The following DTWD2 variants were observed in gnomAD, a reference collection of about 807,000 sequenced individuals.
DTWD2 encodes the protein DTW motif tRNA-uridine aminocarboxypropyltransferase 2.
DTWD2 carries 39 observed loss-of-function variants against 31.8 expected under a neutral mutation model. The ratio of observed to expected loss-of-function variants is 1.22; its 90% CI spans 0.95 to 1.60. The LOEUF (loss-of-function observed/expected upper bound fraction) is 1.60. Ranked by LOEUF, DTWD2 falls within the 40% of genes most tolerant of loss-of-function variation. The pLI, the probability that DTWD2 is intolerant of heterozygous loss-of-function variation, is 0.00. For missense variants in DTWD2, 515 were observed against 381.5 expected (o/e 1.35, Z -2.92); for synonymous variants, 180 against 142.8 (o/e 1.26, Z -1.86).
intron 5 of DTWD2, among the ~76,000 whole-genome samples, chr5:118,845,607 T>C (rs917263813): frequency 3.9e-5 from 6 of 152,168 alleles, no homozygotes; most frequent in African/African-American, 1.4e-4. Flanking sequence ...AATATCCTTT[T>C]TCTACTCCTG....
At chr5:118,846,487 A>G (rs1028708603) in intron 5 of DTWD2, among the ~76,000 whole-genome samples, 2 of 152,162 alleles carry the variant, frequency 1.3e-5, no homozygotes, top group Non-Finnish European at 2.9e-5. Context: ...ATCTATAGCT[A>G]AGGAATATAC....
At chr5:118,904,735 A>G (rs1198590843) in intron 4 of DTWD2, among the ~76,000 whole-genome samples, 1 of 152,150 alleles carries the variant, frequency 6.6e-6, no homozygotes, top group East Asian at 1.9e-4. Flanking sequence ...AGAACTGATA[A>G]CATGTGGAGA....
At chr5:118,875,563 GAAAA>G (rs34990814) in intron 4 of DTWD2, among the ~76,000 whole-genome samples, 34 of 44,548 alleles carry the variant, frequency 7.6e-4, no homozygotes, top group African/African-American at 2.5e-3. Flanking sequence ...CCTAGTTTCT[GAAAA>G]AAAAAAAAAA....
rs1381051531 is a variant in DTWD2 at position 118,939,284 on chromosome 5, T to C, written c.316A>G (p.Lys106Glu). ...YIIQHPAEENKVLRTVPLLAA... is the reference protein window; with the variant it reads ...YIIQHPAEENEVLRTVPLLAA... ...AGTAGAGGAACTGTACGCAACACTT[T>C]GTTTTCCTTTAATTAAAAAATGAAT... Residue 106 changes from lysine (K) to glutamate (E), a missense_variant, in exon 3 of 6, where the codon AAA becomes GAA. Coordinates refer to ENST00000510708, the MANE Select transcript of DTWD2 (RefSeq NM_173666.4). The C allele has an allele frequency of 7.0e-6, 11 of 1,569,750 alleles. No individual in the cohort carries two copies. The highest frequency in any genetic ancestry group is 9.5e-6 in the Non-Finnish European group (11 of 1,159,362).
intron 4 of DTWD2, among the ~76,000 whole-genome samples, chr5:118,850,061 A>C (rs1188772779): frequency 6.6e-6 from 1 of 151,982 alleles, no homozygotes; most frequent in Non-Finnish European, 1.5e-5. Context: ...TAAAATAAAA[A>C]ATAAAAAATG....
intron 1 of DTWD2, among the ~76,000 whole-genome samples, chr5:118,981,348 C>G (rs368372054): frequency 5.3e-5 from 8 of 152,044 alleles, no homozygotes; most frequent in East Asian, 3.9e-4. Context: ...ATAAATATTA[C>G]GTTATGCAAA....
intron 1 of DTWD2, among the ~76,000 whole-genome samples, chr5:118,958,684 A>T (rs77221280): frequency 0.016 from 2,496 of 152,230 alleles, 34 homozygotes; most frequent in Non-Finnish European, 0.028. Flanking sequence ...GATGAACATA[A>T]ATGCAAAAAT....
At chr5:118,854,469 A>C (rs1317171187) in intron 4 of DTWD2, among the ~76,000 whole-genome samples, 1 of 152,152 alleles carries the variant, frequency 6.6e-6, no homozygotes, top group African/African-American at 2.4e-5. Flanking sequence ...TGTTTTCCAA[A>C]CATTATGCCT....
intron 4 of DTWD2, among the ~76,000 whole-genome samples, chr5:118,863,945 T>A (rs1298465362): frequency 1.3e-5 from 2 of 151,584 alleles, no homozygotes; most frequent in Admixed American, 1.3e-4. Context: ...TTACACAATA[T>A]CAGGCATTAA....
intron 1 of DTWD2, among the ~76,000 whole-genome samples, chr5:118,948,899 T>C (rs1440655710): frequency 6.6e-6 from 1 of 152,126 alleles, no homozygotes; most frequent in Non-Finnish European, 1.5e-5. Flanking sequence ...AAACCAGGTA[T>C]CCAAAGGTGA....
Position 118,869,520 on chromosome 5 carries a change from G to C in DTWD2, c.598-21302C>G, listed in dbSNP as rs574571695. On this transcript the variant is annotated intron_variant, in intron 4 of 5. Coordinates refer to ENST00000510708, the MANE Select transcript of DTWD2 (RefSeq NM_173666.4). ...CCCATATCCTAAGCTTCAAGGAACA[G>C]AGAAATTTTTGTTGCCAACCTGAAA... Among the ~76,000 whole-genome samples, 111 of 152,278 alleles carry C rather than the reference G, an allele frequency of 7.3e-4. 3 individuals carry two copies. In the Middle Eastern group the frequency reaches 0.01, roughly 14 times the overall value.
In DTWD2 at chr5:118,900,195, G is replaced by A. The variant is rs114222839; in HGVS notation, c.597+28342C>T. The stretch of plus-strand genomic sequence containing the variant: ...TGTTATGTGTAGTTTAGTTTTTACT[G>A]CTGTAGAGCATTCCATTACATATAC... On this transcript the variant is annotated intron_variant, in intron 4 of 5. Transcript: ENST00000510708. Among the ~76,000 whole-genome samples the A allele has an allele frequency of 6.2e-3, 945 of 152,258 alleles. 18 individuals carry two copies. Among genetic ancestry groups the A allele is most frequent in the African/African-American group, 0.022 (895 of 41,568 alleles).
At chr5:118,893,809 G>A (rs564210988) in intron 4 of DTWD2, among the ~76,000 whole-genome samples, 2 of 152,090 alleles carry the variant, frequency 1.3e-5, no homozygotes, top group Non-Finnish European at 2.9e-5. Context: ...TCTAGAATCC[G>A]GGAACAGCCA....
At chr5:118,968,866 C>T (rs1007598172) in intron 1 of DTWD2, among the ~76,000 whole-genome samples, 1 of 152,208 alleles carries the variant, frequency 6.6e-6, no homozygotes, top group Admixed American at 6.5e-5. Context: ...CACATGTTAA[C>T]ACCCACTGGC....
intron 3 of DTWD2, among the ~76,000 whole-genome samples, chr5:118,933,087 G>A (rs1753962880): frequency 6.6e-6 from 1 of 151,998 alleles, no homozygotes; most frequent in African/African-American, 2.4e-5. Flanking sequence ...CTAATTCCTT[G>A]AAAAACAAAC....
chr5:118,920,873 A>T (rs1031870739), intron 4 of DTWD2, among the ~76,000 whole-genome samples: 2 of 152,180 alleles, frequency 1.3e-5, no homozygotes, highest in South Asian at 4.1e-4. Flanking sequence ...CTTGGATTCA[A>T]GTTTCATATC....
intron 4 of DTWD2, among the ~76,000 whole-genome samples, chr5:118,865,578 T>G (rs1752363822): frequency 6.6e-6 from 1 of 152,188 alleles, no homozygotes; most frequent in Admixed American, 6.5e-5. Context: ...AAGTTAATGT[T>G]TAAAAACTGT....
chr5:118,956,932 TCTG>T (rs1754600426), intron 1 of DTWD2, among the ~76,000 whole-genome samples: 1 of 147,568 alleles, frequency 6.8e-6, no homozygotes, highest in African/African-American at 2.7e-5. Context: ...CATAGTGCCC[TCTG>T]CTGTCATTTT....
chr5:118,871,900 G>C (rs552088463), intron 4 of DTWD2, among the ~76,000 whole-genome samples: 87 of 152,266 alleles, frequency 5.7e-4, no homozygotes, highest in African/African-American at 1.9e-3. Flanking sequence ...CCTTCTAATA[G>C]AAGTCTATTT....
Sources: allele counts gnomAD v4.1 joint callset (sites outside exome capture counted in the v4.1 genomes callset), GRCh38; gene constraint gnomAD v4.1.1; transcripts MANE v1.5; gene names NCBI Gene and HGNC (gene_info 2026-07-23, HGNC 2026-07-21).